The following MYO3B variants were observed in gnomAD, a reference collection of about 807,000 sequenced individuals.
MYO3B encodes myosin-IIIb.
A neutral mutation model predicts 174.6 loss-of-function variants in MYO3B; 156 were observed. The ratio of observed to expected loss-of-function variants is 0.89; its 90% CI spans 0.78 to 1.02. The LOEUF (loss-of-function observed/expected upper bound fraction) is 1.02, where lower values mean the gene tolerates loss of function less well. MYO3B is among the 50% of genes least tolerant of loss of function. The pLI is 0.00. For synonymous variants in MYO3B, 563 were observed against 569.1 expected, an observed-to-expected ratio of 0.99 and a Z score of 0.15; for missense variants, 1,632 against 1,639.4, an observed-to-expected ratio of 1.00 and a Z score of 0.08.
At chr2:170,295,009 T>C (rs2093620436) in intron 7 of MYO3B, among the ~76,000 whole-genome samples, 1 of 152,130 alleles carries the variant, frequency 6.6e-6, no homozygotes. Context: ...TTTCTCCTTG[T>C]AATTCTTTCA....
chr2:170,237,874 T>A (rs1417094582), intron 7 of MYO3B, among the ~76,000 whole-genome samples: 1 of 152,222 alleles, frequency 6.6e-6, no homozygotes, highest in East Asian at 1.9e-4. Context: ...CAGATTGAAC[T>A]AGGCAATGTC....
rs780808835 is a variant in MYO3B at position 170,404,332 on chromosome 2, C to T, written c.2363C>T (p.Pro788Leu). Reference sequence around the variant, plus strand: ...CTCTTGGACATGTTCCTCCAGAAACCCCTGGGACTGCTTGCACTTTTGGAT... The same window carrying T: ...CTCTTGGACATGTTCCTCCAGAAACTCCTGGGACTGCTTGCACTTTTGGAT... ...RPLLDMFLQK[P>L]LGLLALLDEE... The change falls in exon 20 of 35, where the codon CCC becomes CTC. Residue 788 changes from proline (P) to leucine (L), a missense_variant. Coordinates refer to ENST00000408978, the MANE Select transcript of MYO3B (RefSeq NM_138995.5). 21 of 1,613,868 alleles carry T rather than the reference C, an allele frequency of 1.3e-5. No individual in the cohort carries two copies. In the East Asian group the frequency reaches 4.7e-4, roughly 36 times the overall value.
chr2:170,360,171 C>A (rs1518730), intron 8 of MYO3B, among the ~76,000 whole-genome samples: 131,893 of 152,056 alleles, frequency 0.87, 57,710 homozygotes, highest in Non-Finnish European at 0.93. Context: ...GCTGGGTACT[C>A]TCTATTCCTT....
rs1433807725 is a variant in MYO3B, at chr2:170,301,440, ACT to A, written c.750-33942_750-33941del. 1.6e-4 allele frequency among the ~76,000 whole-genome samples: 24 copies of A among 152,288 alleles called. 1 individual carries two copies. The East Asian group carries it at 4.4e-3, about 28-fold the overall frequency. Reference sequence around the variant, plus strand: ...ATTGTATCGATAATAGTTTTAGATCACTCTATTTTTATACATTTCTGGGCACA... The same window carrying A: ...ATTGTATCGATAATAGTTTTAGATCACTATTTTTATACATTTCTGGGCACA... On this transcript the variant is annotated intron_variant, in intron 7 of 34. Coordinates refer to ENST00000408978, the MANE Select transcript of MYO3B (RefSeq NM_138995.5).
intron 16 of MYO3B, among the ~76,000 whole-genome samples, chr2:170,393,185 G>A (rs2094424574): frequency 6.6e-6 from 1 of 151,012 alleles, no homozygotes; most frequent in South Asian, 2.1e-4. Flanking sequence ...CTGGCTTCAA[G>A]CGATTCTCCT....
In MYO3B at chr2:170,387,131, A is replaced by G. The variant is rs1336185980; in HGVS notation, c.1400A>G (p.Lys467Arg). The part of the protein sequence containing the change: ...GKANNQTLRE[K>R]ILQVNSLVEA... ...GCCAATAATCAGACCTTGAGAGAGA[A>G]AATTCTACAAGTCAACTCCCTGGTG... Residue 467 changes from lysine to arginine, a missense_variant, in exon 14 of 35, where the codon AAA (lysine) becomes AGA (arginine). Coordinates refer to ENST00000408978, the MANE Select transcript of MYO3B (RefSeq NM_138995.5). 6.2e-7 allele frequency: 1 copy of G among 1,614,066 alleles called. No individual in the cohort carries two copies. Among genetic ancestry groups the G allele is most frequent in the Non-Finnish European group, 8.5e-7 (1 of 1,179,902 alleles).
At chr2:170,648,540 A>C (rs1698551339) in intron 32 of MYO3B, among the ~76,000 whole-genome samples, 1 of 150,998 alleles carries the variant, frequency 6.6e-6, no homozygotes, top group African/African-American at 2.4e-5. Flanking sequence ...CTAAGGCAGG[A>C]GCATCGCTTG....
chr2:170,599,187 A>G (rs1440730384), intron 32 of MYO3B, among the ~76,000 whole-genome samples: 1 of 152,138 alleles, frequency 6.6e-6, no homozygotes, highest in Non-Finnish European at 1.5e-5. Context: ...GTCATTCTCT[A>G]TCTCTGTACC....
intron 22 of MYO3B, among the ~76,000 whole-genome samples, chr2:170,439,763 C>G (rs2105903235): frequency 6.6e-6 from 1 of 152,318 alleles, no homozygotes; most frequent in East Asian, 1.9e-4. Flanking sequence ...TCACTGCAAG[C>G]TCCACCTCCC....
chr2:170,282,318 A>G (rs1346544602), intron 7 of MYO3B, among the ~76,000 whole-genome samples: 2 of 152,182 alleles, frequency 1.3e-5, no homozygotes, highest in African/African-American at 2.4e-5. Context: ...GTTCTTCTGC[A>G]TATAGATAAC....
At chr2:170,634,763 A>C (rs1559183952) in intron 32 of MYO3B, among the ~76,000 whole-genome samples, 1 of 152,258 alleles carries the variant, frequency 6.6e-6, no homozygotes, top group African/African-American at 2.4e-5. Flanking sequence ...GAACTCAAAC[A>C]AATTTACAAG....
chr2:170,321,855 C>T (rs1198152765), intron 7 of MYO3B, among the ~76,000 whole-genome samples: 1 of 152,088 alleles, frequency 6.6e-6, no homozygotes, highest in East Asian at 1.9e-4. Context: ...GTGGCTCATA[C>T]CTGTAATCCC....
At chr2:170,594,594 A>T (rs1031583875) in intron 32 of MYO3B, among the ~76,000 whole-genome samples, 1 of 152,164 alleles carries the variant, frequency 6.6e-6, no homozygotes. Context: ...GAGGAACATG[A>T]TGGCTAACTT....
At chr2:170,209,043 AG>A (rs2092744072) in intron 3 of MYO3B, among the ~76,000 whole-genome samples, 1 of 152,192 alleles carries the variant, frequency 6.6e-6, no homozygotes, top group African/African-American at 2.4e-5. Context: ...AACCCTATAC[AG>A]GTACTGCGTA....
chr2:170,228,540 C>T (rs956283368), intron 6 of MYO3B, among the ~76,000 whole-genome samples: 4 of 152,240 alleles, frequency 2.6e-5, no homozygotes, highest in African/African-American at 9.6e-5. Flanking sequence ...GAGAACGGGA[C>T]TTAACACACA....
intron 7 of MYO3B, among the ~76,000 whole-genome samples, chr2:170,248,062 C>T (rs1336456610): frequency 6.6e-6 from 1 of 152,162 alleles, no homozygotes; most frequent in Non-Finnish European, 1.5e-5. Context: ...CCCAGCTCCC[C>T]CTCTTTCTGT....
At chr2:170,622,746 C>T (rs1489699653) in intron 32 of MYO3B, among the ~76,000 whole-genome samples, 34 of 134,904 alleles carry the variant, frequency 2.5e-4, no homozygotes, top group South Asian at 1.4e-3. Flanking sequence ...CAACAGGCCC[C>T]GGTGTGTGAT....
At chr2:170,327,125 G>A (rs780011996) in intron 7 of MYO3B, among the ~76,000 whole-genome samples, 9 of 152,194 alleles carry the variant, frequency 5.9e-5, no homozygotes, top group East Asian at 1.9e-4. Flanking sequence ...GGTGGCTCAC[G>A]CCTGTAATCC....
chr2:170,283,260 A>C (rs3856428), intron 7 of MYO3B, among the ~76,000 whole-genome samples: 1 of 152,014 alleles, frequency 6.6e-6, no homozygotes, highest in African/African-American at 2.4e-5. Flanking sequence ...ATAGGAGCCT[A>C]AGGTGAGAAT....
Sources: allele counts gnomAD v4.1 joint callset (sites outside exome capture counted in the v4.1 genomes callset), GRCh38; gene constraint gnomAD v4.1.1; transcripts MANE v1.5; gene names NCBI Gene and HGNC (gene_info 2026-07-23, HGNC 2026-07-21).